The following APPL2 variants were observed in gnomAD, a reference collection of about 807,000 sequenced individuals.
The protein encoded by APPL2 is adaptor protein, phosphotyrosine interacting with PH domain and leucine zipper 2.
A neutral mutation model predicts 92.7 loss-of-function variants in APPL2; 84 were observed. That is an observed-to-expected ratio of 0.91 (90% CI 0.76 to 1.09). APPL2 has a LOEUF of 1.09. APPL2 is among the 50% of genes least tolerant of loss of function. APPL2 has a pLI of 0.00. For missense variants in APPL2, 736 were observed against 824.5 expected (o/e 0.89, Z 1.31); for synonymous variants, 291 against 291.0 (o/e 1.00, Z 0.00).
At chr12:105,206,645 T>C (rs1479269923) in intron 8 of APPL2, among the ~76,000 whole-genome samples, 1 of 152,032 alleles carries the variant, frequency 6.6e-6, no homozygotes, top group African/African-American at 2.4e-5. Context: ...CTAGGAGAGG[T>C]GCACCTGAGG....
At chr12:105,231,609 C>T (rs1232197307) in intron 1 of APPL2, among the ~76,000 whole-genome samples, 4 of 152,188 alleles carry the variant, frequency 2.6e-5, no homozygotes, top group Middle Eastern at 3.2e-3. Flanking sequence ...CTCTCATCAG[C>T]GAGCATGATC....
chr12:105,181,307 A>G (rs983133590), intron 17 of APPL2, among the ~76,000 whole-genome samples: 25 of 152,312 alleles, frequency 1.6e-4, no homozygotes, highest in East Asian at 1.5e-3. Flanking sequence ...CCAGGGATGA[A>G]GCCAACTTGA....
chr12:105,188,571 A>G (rs1886935964), intron 16 of APPL2, 124 bp from the exon 17 acceptor site: 5 of 915,510 alleles, frequency 5.5e-6, no homozygotes, highest in Non-Finnish European at 8.2e-6. Flanking sequence ...AAATTTCTCA[A>G]TACCACTTTT....
chr12:105,174,116 A>G lies in APPL2; in HGVS notation c.*198T>C, dbSNP rs906249353. The G allele has an allele frequency of 1.8e-5, 10 of 564,552 alleles. 1 individual carries two copies. Among genetic ancestry groups the G allele is most frequent in the Middle Eastern group, 4.9e-4 (1 of 2,042 alleles). The allele number at this position is 564,552 out of a possible 1,614,324, so 35.0% of individuals were successfully genotyped here. On this transcript the variant is annotated 3_prime_UTR_variant, in exon 21 of 21. Coordinates refer to ENST00000258530, the MANE Select transcript of APPL2 (RefSeq NM_018171.5). ...CTTACCACAAAGCACCTAAAATAAC[A>G]TTGTAGATGGGTGGGAACGCTGTCA...
At chr12:105,232,799 T>C (rs1891020417) in intron 1 of APPL2, among the ~76,000 whole-genome samples, 1 of 148,350 alleles carries the variant, frequency 6.7e-6, no homozygotes, top group Admixed American at 6.7e-5. Flanking sequence ...ACCAAGTCTA[T>C]TGAAAGGAAA....
intron 9 of APPL2, among the ~76,000 whole-genome samples, chr12:105,202,316 A>G (rs545715420): frequency 1.3e-5 from 2 of 152,284 alleles, no homozygotes; most frequent in East Asian, 1.9e-4. Flanking sequence ...GGCTGGTGCT[A>G]TACTTGGGTT....
intron 8 of APPL2, among the ~76,000 whole-genome samples, chr12:105,205,605 C>T (rs536942229): frequency 2.6e-5 from 4 of 152,176 alleles, no homozygotes; most frequent in African/African-American, 4.8e-5. Context: ...CAGCACTGAC[C>T]GATCAGGACC....
chr12:105,216,926 G>C, intron 4 of APPL2, 143 bp downstream of exon 4: 1 of 607,588 alleles, frequency 1.6e-6, no homozygotes, highest in Admixed American at 3.0e-5. Context: ...CCTCTCCTAG[G>C]AAAGGAGCTT....
chr12:105,186,727 CATAT>C (rs1250137163), intron 17 of APPL2, among the ~76,000 whole-genome samples: 3 of 130,264 alleles, frequency 2.3e-5, no homozygotes, highest in African/African-American at 9.1e-5. Context: ...ATATATATAT[CATAT>C]ATATCATATA....
At chr12:105,181,947 G>A (rs562793732) in intron 17 of APPL2, among the ~76,000 whole-genome samples, 2 of 151,956 alleles carry the variant, frequency 1.3e-5, no homozygotes, top group Non-Finnish European at 2.9e-5. Context: ...AGGGTTTTTC[G>A]TGTCTCTATC....
chr12:105,191,080 A>G (rs1887151939), intron 14 of APPL2, among the ~76,000 whole-genome samples: 1 of 152,202 alleles, frequency 6.6e-6, no homozygotes, highest in Non-Finnish European at 1.5e-5. Flanking sequence ...TATTTCTCAA[A>G]CATGTCAATA....
Position 105,217,669 on chromosome 12 carries a change from T to G in APPL2, c.210A>C (p.Lys70Asn). The stretch of plus-strand genomic sequence containing the variant: ...GGCCACATAAATACCAAGTTACCTG[T>G]TTTTCATATGCCAGCAGTTGCTTAG... Reference protein sequence around the residue: ...QLSKQLLAYEKQNFALGKGDE... With the variant: ...QLSKQLLAYENQNFALGKGDE... Residue 70 changes from lysine (K) to asparagine (N), a missense_variant, in exon 3 of 21, where the codon AAA becomes AAC. Coordinates refer to ENST00000258530, the MANE Select transcript of APPL2 (RefSeq NM_018171.5). 1.2e-6 allele frequency: 2 copies of G among 1,613,906 alleles called. No individual in the cohort carries two copies. Among genetic ancestry groups the G allele is most frequent in the Non-Finnish European group, 1.7e-6 (2 of 1,179,986 alleles).
chr12:105,202,292 G>C (rs917844840), intron 9 of APPL2, among the ~76,000 whole-genome samples: 3 of 152,138 alleles, frequency 2.0e-5, no homozygotes, highest in Admixed American at 6.5e-5. Flanking sequence ...CCCGGGTTGT[G>C]GTTCTCTCAG....
chr12:105,201,298 G>A (rs994797945), intron 9 of APPL2, among the ~76,000 whole-genome samples: 2 of 152,182 alleles, frequency 1.3e-5, no homozygotes, highest in African/African-American at 4.8e-5. Flanking sequence ...CCTTAAGACA[G>A]GTAAGCTAGA....
intron 10 of APPL2, 46 bp from the exon 11 acceptor site, chr12:105,197,999 GC>G (rs1887818423): frequency 4.4e-6 from 7 of 1,581,930 alleles, no homozygotes; most frequent in Non-Finnish European, 6.0e-6. Context: ...GAAAGCACCA[GC>G]GGCCACCTCC....
At chr12:105,174,563 T>A (rs916307597) in intron 20 of APPL2, 115 bp from the exon 21 acceptor site, 8 of 1,129,012 alleles carry the variant, frequency 7.1e-6, no homozygotes, top group Admixed American at 5.3e-5. Flanking sequence ...CTGACTCTTG[T>A]GTATATGTGC....
intron 16 of APPL2, 115 bp from the exon 17 acceptor site, chr12:105,188,562 A>T (rs900374435): frequency 1.0e-6 from 1 of 1,001,528 alleles, no homozygotes. Context: ...TTTCTACCAA[A>T]ATTTCTCAAT....
chr12:105,188,257 A>G lies in APPL2; in HGVS notation c.1634+16T>C. Reference sequence around the variant, plus strand: ...GCTGAAGCCATAAGAAAGTCTGAAAATAAAACTGAACGTACCTCAAAGATT... The same window carrying G: ...GCTGAAGCCATAAGAAAGTCTGAAAGTAAAACTGAACGTACCTCAAAGATT... On this transcript the variant is annotated intron_variant, in intron 17 of 20. Transcript: ENST00000258530. 1.2e-6 allele frequency: 2 copies of G among 1,613,226 alleles called. No individual in the cohort carries two copies. The highest frequency in any genetic ancestry group is 1.7e-6 in the Non-Finnish European group (2 of 1,179,358).
intron 2 of APPL2, among the ~76,000 whole-genome samples, chr12:105,228,300 A>G (rs1196776): frequency 0.38 from 57,321 of 152,054 alleles, 11,583 homozygotes; most frequent in Middle Eastern, 0.54. Context: ...AAACTCCAAA[A>G]TGCTCCAATG....
Sources: gnomAD v4.1 joint callset for allele counts (sites outside exome capture counted in the v4.1 genomes callset) on GRCh38, gnomAD v4.1.1 for gene constraint, MANE v1.5 for transcripts, NCBI Gene and HGNC (gene_info 2026-07-23, HGNC 2026-07-21) for gene names.